HOPX: variants seen among roughly 807,000 people sequenced by gnomAD.
The protein encoded by HOPX is HOP homeobox.
Under a neutral mutation model 11.8 loss-of-function variants are expected in HOPX, and 5 were observed. The observed-to-expected ratio is 0.43, with a 90% CI of 0.22 to 0.89. The LOEUF (loss-of-function observed/expected upper bound fraction) is 0.89. Among genes scored for constraint, HOPX ranks in the 40% least tolerant of loss-of-function variants. The pLI is 0.28. For missense variants in HOPX, 119 were observed against 120.0 expected (o/e 0.99, Z 0.04); for synonymous variants, 49 against 49.7 (o/e 0.99, Z 0.06).
intron 2 of HOPX, chr4:56,656,665 A>G (rs1206772462): frequency 1.9e-5 from 3 of 161,128 alleles, no homozygotes; most frequent in Admixed American, 6.5e-5. Context: ...CATTTTACAG[A>G]GATGGAGATA....
intron 3 of HOPX, among the ~76,000 whole-genome samples, chr4:56,653,317 A>G (rs754095678): frequency 6.6e-6 from 1 of 152,128 alleles, no homozygotes; most frequent in African/African-American, 2.4e-5. Flanking sequence ...TCAGCCTCTC[A>G]AAGTGCTGGG....
chr4:56,657,423 C>T (rs537019276), intron 2 of HOPX, among the ~76,000 whole-genome samples: 1 of 152,122 alleles, frequency 6.6e-6, no homozygotes, highest in Non-Finnish European at 1.5e-5. Flanking sequence ...ACTGATGTCC[C>T]GGCAGAATGT....
At chr4:56,664,022 A>G (rs1293793139) in intron 1 of HOPX, 1 of 152,204 alleles carries the variant, frequency 6.6e-6, no homozygotes, top group Non-Finnish European at 1.5e-5. Context: ...ATTTATGTAA[A>G]GAAGGAATAT....
chr4:56,665,370 G>A (rs1395224967), intron 1 of HOPX: 1 of 152,226 alleles, frequency 6.6e-6, no homozygotes, highest in African/African-American at 2.4e-5. Flanking sequence ...GTGTTCATTA[G>A]GAGAGTCTGG....
At chr4:56,681,009 C>T in intron 1 of HOPX, 2 of 985,278 alleles carry the variant, frequency 2.0e-6, no homozygotes, top group Non-Finnish European at 2.4e-6. Flanking sequence ...GCCAAAAGAC[C>T]AACACCAACT....
At chr4:56,656,043 G>C in intron 2 of HOPX, 31 bp from the exon 3 acceptor site, 1 of 1,532,142 alleles carries the variant, frequency 6.5e-7, no homozygotes, top group Non-Finnish European at 8.8e-7. Flanking sequence ...GCGGCGGTGA[G>C]CGAGGCGTGG....
rs983675475 is a variant in HOPX, at chr4:56,648,080, C to T, written c.*640G>A. The T allele has an allele frequency of 2.0e-5, 3 of 152,110 alleles. No homozygotes were observed. Among genetic ancestry groups the T allele is most frequent in the Admixed American group, 1.3e-4 (2 of 15,278 alleles). The allele number at this position is 152,110 out of a possible 1,614,324, so 9.4% of individuals were successfully genotyped here. The stretch of plus-strand genomic sequence containing the variant: ...ACTTTATTTAGCAAAATAAACTTAA[C>T]CAATGCATTTAAATATAGTAAATTC... On this transcript the variant is annotated 3_prime_UTR_variant, in exon 4 of 4. Coordinates refer to ENST00000420433, the MANE Select transcript of HOPX (RefSeq NM_032495.6).
At chr4:56,665,592 C>T (rs982130452) in intron 1 of HOPX, 1 of 152,190 alleles carries the variant, frequency 6.6e-6, no homozygotes, top group Admixed American at 6.5e-5. Context: ...TGCTGAATCA[C>T]CTACAGAAAC....
chr4:56,656,476 C>A (rs1183188635), intron 2 of HOPX: 3 of 945,566 alleles, frequency 3.2e-6, no homozygotes, highest in South Asian at 9.7e-5. Context: ...CGCCCGAGTC[C>A]GCGACTAGCC....
intron 1 of HOPX, among the ~76,000 whole-genome samples, chr4:56,667,191 C>G (rs777060966): frequency 2.0e-5 from 3 of 152,238 alleles, no homozygotes; most frequent in South Asian, 4.1e-4. Flanking sequence ...ATCTTCCCTT[C>G]AAGAAGTATG....
At chr4:56,652,544 A>C (rs1214256238) in intron 3 of HOPX, among the ~76,000 whole-genome samples, 2 of 152,128 alleles carry the variant, frequency 1.3e-5, no homozygotes, top group Non-Finnish European at 2.9e-5. Flanking sequence ...GCGATGGCTC[A>C]TGCTTGTAAT....
intron 1 of HOPX, among the ~76,000 whole-genome samples, chr4:56,677,501 T>C (rs1034773335): frequency 3.3e-5 from 5 of 151,722 alleles, no homozygotes; most frequent in East Asian, 1.9e-4. Flanking sequence ...AGTGACATAA[T>C]TCATTAAACG....
chr4:56,651,873 A>AGAGT (rs1165596516), intron 3 of HOPX, among the ~76,000 whole-genome samples: 198 of 136,742 alleles, frequency 1.4e-3, no homozygotes, highest in South Asian at 9.8e-3. Context: ...AGAGAGAGAG[A>AGAGT]GTGTGTGTGT....
chr4:56,648,832 A>G, intron 3 of HOPX, 35 bp from the exon 4 acceptor site: 2 of 1,539,576 alleles, frequency 1.3e-6, no homozygotes, highest in Non-Finnish European at 1.8e-6. Flanking sequence ...TATTTGTCAC[A>G]TACAGAAAAA....
chr4:56,670,737 C>G (rs1718688387), intron 1 of HOPX, among the ~76,000 whole-genome samples: 1 of 152,192 alleles, frequency 6.6e-6, no homozygotes, highest in Non-Finnish European at 1.5e-5. Flanking sequence ...TGGCTCACGC[C>G]TGTAATCCCA....
intron 1 of HOPX, among the ~76,000 whole-genome samples, chr4:56,668,758 C>G (rs1718576295): frequency 6.6e-6 from 1 of 152,200 alleles, no homozygotes; most frequent in Non-Finnish European, 1.5e-5. Flanking sequence ...AGGAAATACA[C>G]TTTAAATCCT....
chr4:56,676,714 GCCTTCAC>G (rs1222730912), intron 1 of HOPX: 1 of 151,744 alleles, frequency 6.6e-6, no homozygotes, highest in Non-Finnish European at 1.5e-5. Context: ...GATGGAGCTC[GCCTTCAC>G]CCTCTCCTCC....
chr4:56,654,360 C>T (rs953466131), intron 3 of HOPX, among the ~76,000 whole-genome samples: 1 of 152,198 alleles, frequency 6.6e-6, no homozygotes, highest in African/African-American at 2.4e-5. Context: ...CAATCAGAGG[C>T]CGAGAAGGGG....
At chr4:56,650,500 G>A (rs1433860416) in intron 3 of HOPX, 1 of 580,912 alleles carries the variant, frequency 1.7e-6, no homozygotes. Context: ...AGGGGGAGAA[G>A]GAGCAAGGCC....
Sources: allele counts gnomAD v4.1 joint callset (sites outside exome capture counted in the v4.1 genomes callset), GRCh38; gene constraint gnomAD v4.1.1; transcripts MANE v1.5; gene names NCBI Gene and HGNC (gene_info 2026-07-23, HGNC 2026-07-21).